The following ASTN2 variants were observed in gnomAD, a reference collection of about 807,000 sequenced individuals.
The protein encoded by ASTN2 is astrotactin 2.
A neutral mutation model predicts 139.8 loss-of-function variants in ASTN2; 54 were observed. The observed-to-expected ratio is 0.39, with a 90% CI of 0.31 to 0.48. The LOEUF (loss-of-function observed/expected upper bound fraction) is 0.48. Among genes scored for constraint, ASTN2 ranks in the 20% least tolerant of loss-of-function variants. ASTN2 has a pLI of 0.95. For synonymous variants in ASTN2, 756 were observed against 719.5 expected, an observed-to-expected ratio of 1.05 and a Z score of -0.81; for missense variants, 1,565 against 1,725.1, an observed-to-expected ratio of 0.91 and a Z score of 1.64.
chr9:117,409,907 T>A (rs1387335922), intron 1 of ASTN2, among the ~76,000 whole-genome samples: 1 of 152,228 alleles, frequency 6.6e-6, no homozygotes, highest in Non-Finnish European at 1.5e-5. Flanking sequence ...CTGAACAAGT[T>A]GGCATTTCAA....
chr9:116,561,596 A>C (rs1007843939), intron 19 of ASTN2, among the ~76,000 whole-genome samples: 2 of 152,182 alleles, frequency 1.3e-5, no homozygotes, highest in Non-Finnish European at 2.9e-5. Flanking sequence ...AGAAAGACAC[A>C]AATAAAATGA....
At chr9:117,384,885 A>T (rs1830357652) in intron 1 of ASTN2, among the ~76,000 whole-genome samples, 1 of 152,184 alleles carries the variant, frequency 6.6e-6, no homozygotes, top group African/African-American at 2.4e-5. Flanking sequence ...AAATAGATGA[A>T]TCAGTGGTAG....
intron 13 of ASTN2, among the ~76,000 whole-genome samples, chr9:116,797,652 T>C (rs1021848174): frequency 1.3e-5 from 2 of 152,204 alleles, no homozygotes; most frequent in African/African-American, 4.8e-5. Flanking sequence ...AGCTAATGCC[T>C]CCTTTTAATT....
chr9:117,310,992 GATCAATT>G (rs1827957560), intron 1 of ASTN2, among the ~76,000 whole-genome samples: 1 of 152,086 alleles, frequency 6.6e-6, no homozygotes, highest in Non-Finnish European at 1.5e-5. Flanking sequence ...AGCAGTCCTT[GATCAATT>G]ATATGCCCTT....
At chr9:116,552,054 C>T (rs888373620) in intron 19 of ASTN2, 1 of 149,848 alleles carries the variant, frequency 6.7e-6, no homozygotes, top group East Asian at 1.9e-4. Flanking sequence ...TACTTAATTG[C>T]AATAATTTTC....
intron 17 of ASTN2, among the ~76,000 whole-genome samples, chr9:116,646,311 A>C (rs1385105387): frequency 6.6e-6 from 1 of 151,684 alleles, no homozygotes; most frequent in Non-Finnish European, 1.5e-5. Flanking sequence ...GAAAGAGAAA[A>C]GAACTTGCTA....
chr9:117,075,494 A>G (rs112681910), intron 5 of ASTN2, among the ~76,000 whole-genome samples: 47,830 of 146,996 alleles, frequency 0.33, 7,964 homozygotes, highest in East Asian at 0.45. Flanking sequence ...GATGGAGGGG[A>G]AGGGGGAGGG....
chr9:117,240,510 G>A (rs1337407793), intron 2 of ASTN2, among the ~76,000 whole-genome samples: 1 of 152,212 alleles, frequency 6.6e-6, no homozygotes, highest in Non-Finnish European at 1.5e-5. Context: ...AGCAGAGTAA[G>A]AAAGGGGACA....
At position 116,660,453 on chromosome 9, in the gene ASTN2, C is replaced by T. The variant is rs10983294; in HGVS notation, c.2807-8660G>A. On this transcript the variant is annotated intron_variant, in intron 16 of 22. Transcript: ENST00000313400. Reference sequence around the variant, plus strand: ...GGAACAAGACCTTAACCTCTCTAAGCCTCCATTTCCTCATCTGTAAAATGC... The same window carrying T: ...GGAACAAGACCTTAACCTCTCTAAGTCTCCATTTCCTCATCTGTAAAATGC... Among the ~76,000 whole-genome samples, 2,914 of 152,250 alleles carry T rather than the reference C, an allele frequency of 0.019. 401 individuals are homozygous for T. In the South Asian group the frequency reaches 0.29, roughly 15 times the overall value.
At chr9:116,875,566 CTA>C (rs535523786) in intron 10 of ASTN2, among the ~76,000 whole-genome samples, 194 of 152,290 alleles carry the variant, frequency 1.3e-3, no homozygotes, top group African/African-American at 4.4e-3. Context: ...ATGAAGGTGA[CTA>C]TGTCCAACAA....
chr9:116,815,713 G>A (rs886381169), intron 12 of ASTN2, among the ~76,000 whole-genome samples: 3 of 147,694 alleles, frequency 2.0e-5, no homozygotes, highest in African/African-American at 5.0e-5. Flanking sequence ...GCTGAGGCAG[G>A]AGAATGGCCT....
chr9:116,697,328 T>A (rs1860913650), intron 16 of ASTN2: 2 of 227,992 alleles, frequency 8.8e-6, no homozygotes, highest in East Asian at 1.9e-4. Flanking sequence ...TTAGCCCTTA[T>A]AATAACCATA....
chr9:116,501,415 G>A (rs1007601357), intron 19 of ASTN2, among the ~76,000 whole-genome samples: 38 of 152,220 alleles, frequency 2.5e-4, no homozygotes, highest in African/African-American at 7.5e-4. Flanking sequence ...GAATAGTGCC[G>A]CAATAAACAT....
At chr9:117,216,356 G>A (rs571371247) in intron 2 of ASTN2, among the ~76,000 whole-genome samples, 29 of 152,356 alleles carry the variant, frequency 1.9e-4, no homozygotes, top group Admixed American at 3.3e-4. Flanking sequence ...AGAGGTGGTG[G>A]CCAGGTATGC....
intron 19 of ASTN2, among the ~76,000 whole-genome samples, chr9:116,534,194 G>C (rs954324523): frequency 2.6e-5 from 4 of 152,266 alleles, no homozygotes; most frequent in Non-Finnish European, 4.4e-5. Flanking sequence ...ATTTCTGTGG[G>C]ATAGGTGGTG....
Position 116,593,808 on chromosome 9 carries a change from C to A in ASTN2, c.3355+24516G>T, listed in dbSNP as rs1194560536. Among the ~76,000 whole-genome samples, 4 of 152,290 alleles carry A rather than the reference C, an allele frequency of 2.6e-5. No homozygotes were observed. In the East Asian group the frequency reaches 7.7e-4, roughly 29 times the overall value. ...CATGATTTTCTTGCTTTATGCTCTT[C>A]CATCTGTCTGAATTTCCTCTTACTT... On this transcript the variant is annotated intron_variant, in intron 19 of 22. Transcript: ENST00000313400.
At chr9:116,785,560 A>T (rs917918693) in intron 13 of ASTN2, among the ~76,000 whole-genome samples, 1 of 152,036 alleles carries the variant, frequency 6.6e-6, no homozygotes, top group Non-Finnish European at 1.5e-5. Context: ...TCAAAAACAA[A>T]TTTCTCTTTC....
At chr9:117,190,354 TG>T (rs1831313000) in intron 3 of ASTN2, among the ~76,000 whole-genome samples, 1 of 152,346 alleles carries the variant, frequency 6.6e-6, no homozygotes, top group African/African-American at 2.4e-5. Context: ...ATTCTGCCTG[TG>T]AGTTTCCATA....
At chr9:117,270,287 A>G (rs1317837511) in intron 2 of ASTN2, among the ~76,000 whole-genome samples, 1 of 152,196 alleles carries the variant, frequency 6.6e-6, no homozygotes, top group Non-Finnish European at 1.5e-5. Flanking sequence ...GATCCCTATA[A>G]CTTATTCATC....
Sources: allele counts gnomAD v4.1 joint callset (sites outside exome capture counted in the v4.1 genomes callset), GRCh38; gene constraint gnomAD v4.1.1; transcripts MANE v1.5; gene names NCBI Gene and HGNC (gene_info 2026-07-23, HGNC 2026-07-21).